The following EIF4E1B variants were observed in gnomAD, a reference collection of about 807,000 sequenced individuals.
The protein encoded by EIF4E1B is eukaryotic translation initiation factor 4E family member 1B.
Under a neutral mutation model 31.3 loss-of-function variants are expected in EIF4E1B, and 22 were observed. The observed-to-expected ratio is 0.70, with a 90% CI of 0.50 to 1.00. The LOEUF (loss-of-function observed/expected upper bound fraction) is 1.00. EIF4E1B is among the 50% of genes least tolerant of loss of function. The pLI is 0.00. For missense variants in EIF4E1B, 290 were observed against 311.6 expected, an observed-to-expected ratio of 0.93 and a Z score of 0.52; for synonymous variants, 126 against 120.2, an observed-to-expected ratio of 1.05 and a Z score of -0.31.
chr5:176,644,657 G>A (rs375110180), intron 6 of EIF4E1B: 5 of 550,468 alleles, frequency 9.1e-6, no homozygotes, highest in East Asian at 6.2e-5. Context: ...GGCGGGAAGA[G>A]GGAGAGGGAG....
intron 1 of EIF4E1B, among the ~76,000 whole-genome samples, chr5:176,632,387 C>G (rs1246511448): frequency 6.6e-6 from 1 of 152,228 alleles, no homozygotes; most frequent in Non-Finnish European, 1.5e-5. Context: ...TCCCAAGTAG[C>G]TGGGATTACA....
chr5:176,646,006 T>C lies in EIF4E1B; in HGVS notation c.*26T>C. On this transcript the variant is annotated 3_prime_UTR_variant, in exon 9 of 9. Coordinates refer to ENST00000318682, the MANE Select transcript of EIF4E1B (RefSeq NM_001099408.2). ...GGGGGGCCTTGGCACCCCTCCTATG[T>C]AATGGGACAGCCGCCACTGAGCCTC... 6.4e-7 allele frequency: 1 copy of C among 1,558,608 alleles called. No individual in the cohort carries two copies. The highest frequency in any genetic ancestry group is 8.7e-7 in the Non-Finnish European group (1 of 1,147,420).
At chr5:176,642,904 C>A (rs1760613390) in intron 3 of EIF4E1B, 102 bp downstream of exon 3, 1 of 1,165,500 alleles carries the variant, frequency 8.6e-7, no homozygotes, top group Non-Finnish European at 1.1e-6. Flanking sequence ...GGGTTAAAAG[C>A]TGGTAGCTGG....
At chr5:176,631,322 G>C (rs1329737766) in intron 1 of EIF4E1B, among the ~76,000 whole-genome samples, 1 of 152,200 alleles carries the variant, frequency 6.6e-6, no homozygotes, top group Non-Finnish European at 1.5e-5. Flanking sequence ...ACTTTTTTGT[G>C]TGCTTACGGT....
At chr5:176,633,740 G>C (rs1012172149) in intron 1 of EIF4E1B, among the ~76,000 whole-genome samples, 6 of 152,172 alleles carry the variant, frequency 3.9e-5, no homozygotes, top group Non-Finnish European at 8.8e-5. Context: ...ATGGAGGAGC[G>C]GGGAGAAGGA....
intron 1 of EIF4E1B, among the ~76,000 whole-genome samples, chr5:176,631,980 G>C (rs78369144): frequency 0.011 from 1,726 of 152,290 alleles, 33 homozygotes; most frequent in African/African-American, 0.036. Context: ...CCACACTATG[G>C]TTGGCAAAGA....
In EIF4E1B at chr5:176,645,496, G is replaced by T; in HGVS notation, c.594G>T (p.Gln198His). 6.6e-7 allele frequency: 1 copy of T among 1,518,456 alleles called. No individual in the cohort carries two copies. Among genetic ancestry groups the T allele is most frequent in the Non-Finnish European group, 8.8e-7 (1 of 1,135,688 alleles). 94.1% of individuals were successfully genotyped at this position (1,518,456 alleles called of 1,614,324 possible). Residue 198 changes from glutamine to histidine, a missense_variant, in exon 8 of 9, where the codon CAG (glutamine) becomes CAT (histidine). Transcript: ENST00000318682. This position sits in a 1 kb window ranked among gnomAD's most constrained non-coding sequence, Gnocchi z 5.4. ...IAVWTREAEN[Q>H]AGVLHVGRVY... ...TGTGGACGAGGGAGGCGGAAAACCA[G>T]GCGGGCGTGCTGCACGTTGGGTGAG...
At chr5:176,640,559 A>G (rs990072720) in intron 1 of EIF4E1B, among the ~76,000 whole-genome samples, 9 of 152,110 alleles carry the variant, frequency 5.9e-5, no homozygotes, top group Admixed American at 6.5e-5. Context: ...TCATCTCTCC[A>G]TCTTCTCTGC....
intron 4 of EIF4E1B, 34 bp from the exon 5 acceptor site, chr5:176,643,605 C>T: frequency 6.4e-7 from 1 of 1,572,950 alleles, no homozygotes; most frequent in Non-Finnish European, 8.6e-7. Context: ...TGGCTCTCTG[C>T]TTCCTCCTGG....
chr5:176,645,954 C>T lies in EIF4E1B; in HGVS notation c.703C>T (p.Leu235=). ...AGACACAGCCACCAAGAGCAACTCC[C>T]TAGCCAAGAACAAGTTTGTGGTGTG... is the stretch of plus-strand genomic sequence containing the variant. ...HADTATKSNS[L]AKNKFVV is the part of the protein sequence containing the mutation. The change falls in exon 9 of 9, where the codon CTA becomes TTA. Residue 235 remains leucine (L), a synonymous_variant. Transcript: ENST00000318682. The surrounding 1 kb of genome is among the most constrained non-coding windows in gnomAD (Gnocchi z 5.4). 3 of 1,609,324 alleles carry T rather than the reference C, an allele frequency of 1.9e-6. No homozygotes were observed. The highest frequency in any genetic ancestry group is 2.5e-6 in the Non-Finnish European group (3 of 1,177,794).
intron 1 of EIF4E1B, among the ~76,000 whole-genome samples, chr5:176,639,346 A>C (rs545150747): frequency 6.6e-6 from 1 of 152,304 alleles, no homozygotes; most frequent in Non-Finnish European, 1.5e-5. Context: ...TGCTGGTTCA[A>C]TCCCAGCATG....
At chr5:176,643,374 C>A in intron 4 of EIF4E1B, 108 bp downstream of exon 4, 1 of 1,350,664 alleles carries the variant, frequency 7.4e-7, no homozygotes, top group Non-Finnish European at 1.0e-6. Context: ...AGCTCTTCAT[C>A]CGTGGGAGGC....
At chr5:176,642,335 A>C (rs919688783) in intron 2 of EIF4E1B, among the ~76,000 whole-genome samples, 170 bp downstream of exon 2, 1 of 152,216 alleles carries the variant, frequency 6.6e-6, no homozygotes, top group Non-Finnish European at 1.5e-5. Context: ...CAGATGATTA[A>C]ACTTTTAAAA....
At position 176,642,853 on chromosome 5, in the gene EIF4E1B, C is replaced by CA. The variant is rs1561910303; in HGVS notation, c.15+51_15+52insA. ...CAGTGCACCATGGCCCCGCCCTCTCCCCCCCCCCCCCCGCCCCAGGTGGGC... is the reference window on the plus strand; with the variant it reads ...CAGTGCACCATGGCCCCGCCCTCTCCACCCCCCCCCCCCGCCCCAGGTGGGC... On this transcript the variant is annotated intron_variant, in intron 3 of 8. Transcript: ENST00000318682. The CA allele has an allele frequency of 4.0e-5, 47 of 1,182,514 alleles. 1 individual carries two copies. The highest frequency in any genetic ancestry group is 6.1e-4 in the Middle Eastern group (2 of 3,266). 73.3% of individuals were successfully genotyped at this position (1,182,514 alleles called of 1,614,324 possible).
intron 4 of EIF4E1B, 43 bp from the exon 5 acceptor site, chr5:176,643,596 G>A: frequency 1.3e-6 from 2 of 1,559,356 alleles, no homozygotes; most frequent in Non-Finnish European, 8.7e-7. Context: ...GGGTGGACTT[G>A]GCTCTCTGCT....
At chr5:176,636,101 G>A (rs1760488847) in intron 1 of EIF4E1B, among the ~76,000 whole-genome samples, 1 of 152,238 alleles carries the variant, frequency 6.6e-6, no homozygotes, top group Non-Finnish European at 1.5e-5. Flanking sequence ...ACAGGCATGA[G>A]CCACCGTTCC....
intron 1 of EIF4E1B, among the ~76,000 whole-genome samples, chr5:176,639,587 T>A (rs1168865939): frequency 2.0e-5 from 3 of 152,044 alleles, no homozygotes; most frequent in Non-Finnish European, 2.9e-5. Flanking sequence ...CCATGCCCGG[T>A]ACTGGGGGGA....
chr5:176,644,192 G>A, intron 5 of EIF4E1B, 184 bp from the exon 6 acceptor site: 1 of 636,896 alleles, frequency 1.6e-6, no homozygotes, highest in Non-Finnish European at 2.7e-6. Context: ...CACTGGGAAG[G>A]CTCTGTGGAA....
chr5:176,646,064 C>T lies in EIF4E1B; in HGVS notation c.*84C>T. On this transcript the variant is annotated 3_prime_UTR_variant, in exon 9 of 9. Coordinates refer to ENST00000318682, the MANE Select transcript of EIF4E1B (RefSeq NM_001099408.2). Reference sequence around the variant, plus strand: ...TGGGGGATGGGGCGGGACTGGGGATCAGACAGCCTAGTTCTTACCTGTCCT... The same window carrying T: ...TGGGGGATGGGGCGGGACTGGGGATTAGACAGCCTAGTTCTTACCTGTCCT... 8.3e-7 allele frequency: 1 copy of T among 1,200,930 alleles called. No homozygotes were observed. Among genetic ancestry groups the T allele is most frequent in the Non-Finnish European group, 1.2e-6 (1 of 838,302 alleles). The allele number at this position is 1,200,930 out of a possible 1,614,324, so 74.4% of individuals were successfully genotyped here.
Sources: gnomAD v4.1 joint callset for allele counts (sites outside exome capture counted in the v4.1 genomes callset) on GRCh38, gnomAD v4.1.1 for gene constraint, Gnocchi (gnomAD v3.1) non-coding constraint, MANE v1.5 for transcripts, NCBI Gene and HGNC (gene_info 2026-07-23, HGNC 2026-07-21) for gene names.